The following LTBP2 variants were observed in gnomAD, a reference collection of about 807,000 sequenced individuals.
LTBP2 encodes latent-transforming growth factor beta-binding protein 2.
Under a neutral mutation model 210.6 loss-of-function variants are expected in LTBP2, and 103 were observed. That is an observed-to-expected ratio of 0.49 (90% confidence interval 0.42 to 0.58). The LOEUF (loss-of-function observed/expected upper bound fraction) is 0.58. Ranked by LOEUF, LTBP2 falls within the 20% of genes least tolerant of loss-of-function variation. The pLI is 0.00. For missense variants in LTBP2, 2,313 were observed against 2,494.5 expected (o/e 0.93, Z 1.55); for synonymous variants, 1,007 against 1,015.0 (o/e 0.99, Z 0.15).
intron 11 of LTBP2, 61 bp from the exon 12 acceptor site, chr14:74,528,759 C>T: frequency 3.2e-6 from 5 of 1,582,982 alleles, no homozygotes; most frequent in Non-Finnish European, 4.3e-6. Flanking sequence ...AAACCAGGGC[C>T]TTCCTTTCCC....
intron 8 of LTBP2, among the ~76,000 whole-genome samples, chr14:74,539,880 C>T (rs2087470286): frequency 6.6e-6 from 1 of 152,210 alleles, no homozygotes. Context: ...GAGCTGGGTC[C>T]ACCCATTAGT....
intron 3 of LTBP2, among the ~76,000 whole-genome samples, chr14:74,582,610 A>T (rs2088152451): frequency 6.6e-6 from 1 of 152,120 alleles, no homozygotes; most frequent in Non-Finnish European, 1.5e-5. Context: ...TATCAGGTGG[A>T]CACTATTGGC....
At chr14:74,536,832 C>A (rs1268140761) in intron 8 of LTBP2, among the ~76,000 whole-genome samples, 1 of 152,144 alleles carries the variant, frequency 6.6e-6, no homozygotes, top group Non-Finnish European at 1.5e-5. Flanking sequence ...AGTGACAGAG[C>A]AAGACTCCAT....
intron 33 of LTBP2, 74 bp downstream of exon 33, chr14:74,503,145 G>T: frequency 6.3e-7 from 1 of 1,591,162 alleles, no homozygotes; most frequent in South Asian, 1.1e-5. Flanking sequence ...TAGATCCCCA[G>T]TTCCAAGGTG....
intron 3 of LTBP2, among the ~76,000 whole-genome samples, chr14:74,567,884 C>T (rs2087924626): frequency 6.6e-6 from 1 of 152,160 alleles, no homozygotes; most frequent in Non-Finnish European, 1.5e-5. Flanking sequence ...AGTCTGAGGC[C>T]CCTGGCTCCG....
intron 3 of LTBP2, among the ~76,000 whole-genome samples, chr14:74,571,161 G>A (rs995965032): frequency 6.6e-6 from 1 of 152,024 alleles, no homozygotes; most frequent in Non-Finnish European, 1.5e-5. Context: ...GTGAAACCCC[G>A]TCTCTACTAA....
chr14:74,559,414 G>A (rs1429272102), intron 3 of LTBP2, among the ~76,000 whole-genome samples: 1 of 152,120 alleles, frequency 6.6e-6, no homozygotes, highest in Admixed American at 6.5e-5. Flanking sequence ...AAAGGAAGAA[G>A]CTCCCAGGTT....
rs925099126 is a variant in LTBP2 at position 74,509,957 on chromosome 14, G to C, written c.3152-98C>G. 47 of 1,609,612 alleles carry C rather than the reference G, an allele frequency of 2.9e-5. No homozygotes were observed. In the South Asian group the frequency reaches 5.1e-4, roughly 17 times the overall value. On this transcript the variant is annotated intron_variant, in intron 20 of 35. Coordinates refer to ENST00000261978, the MANE Select transcript of LTBP2 (RefSeq NM_000428.3). ...GGTGGGGGAAGGACAGGTCTGGGCAGGGATGTGTTGGGTCAGTGTGAATAG... is the reference window on the plus strand; with the variant it reads ...GGTGGGGGAAGGACAGGTCTGGGCACGGATGTGTTGGGTCAGTGTGAATAG...
rs755229532 is a variant in LTBP2 at position 74,611,897 on chromosome 14, G to A, written c.48C>T (p.Asn16=). The change falls in exon 1 of 36, where the codon AAC becomes AAT. Residue 16 remains asparagine, a synonymous_variant. Coordinates refer to ENST00000261978, the MANE Select transcript of LTBP2 (RefSeq NM_000428.3). The part of the protein sequence containing the change: ...KARSPGRALR[N]PWRGFLPLTL... ...TGAGCGGCAGGAAGCCTCTCCAGGG[G>A]TTCCGCAGGGCGCGCCCCGGGCTGC... 5 of 1,600,972 alleles carry A rather than the reference G, an allele frequency of 3.1e-6. No individual in the cohort carries two copies. Among genetic ancestry groups the A allele is most frequent in the Non-Finnish European group, 3.4e-6 (4 of 1,176,262 alleles).
At position 74,501,587 on chromosome 14, in the gene LTBP2, G is replaced by A. The variant is rs945674645; in HGVS notation, c.5174C>T (p.Pro1725Leu). ...CTGAAGCCCTTCGAAGCCGGCTGGG[G>A]GCTCTGGGAGGAGGAAATCGGAGAG... ...QPHYVASHPE[P>L]PAGFEGLQAE... The change falls in exon 35 of 36, where the codon CCC (proline) becomes CTC (leucine). Residue 1725 changes from proline to leucine, a missense_variant. Physicochemically the swap from Pro to Leu is moderately conservative, Grantham distance 98. Coordinates refer to ENST00000261978, the MANE Select transcript of LTBP2 (RefSeq NM_000428.3). 1 of 1,613,916 alleles carries A rather than the reference G, an allele frequency of 6.2e-7. No homozygotes were observed.
At chr14:74,521,088 T>C (rs1298186955) in intron 17 of LTBP2, among the ~76,000 whole-genome samples, 1 of 152,200 alleles carries the variant, frequency 6.6e-6, no homozygotes, top group Non-Finnish European at 1.5e-5. Context: ...AATCAAGTGA[T>C]TGGACCTGGA....
intron 3 of LTBP2, among the ~76,000 whole-genome samples, chr14:74,578,350 C>T (rs574766872): frequency 1.1e-4 from 17 of 152,312 alleles, no homozygotes; most frequent in Non-Finnish European, 1.8e-4. Context: ...GTAAATTCTC[C>T]CAACCATCGT....
intron 8 of LTBP2, among the ~76,000 whole-genome samples, chr14:74,540,121 A>G (rs997801928): frequency 2.6e-5 from 4 of 152,178 alleles, no homozygotes; most frequent in Admixed American, 6.5e-5. Flanking sequence ...TCTCAGAGAC[A>G]GTCTATAAGG....
At chr14:74,506,580 C>T in intron 27 of LTBP2, 118 bp downstream of exon 27, 1 of 1,505,740 alleles carries the variant, frequency 6.6e-7, no homozygotes, top group Admixed American at 1.7e-5. Flanking sequence ...TTGAAGCCTC[C>T]CTTGCCCATG....
At chr14:74,601,399 A>C (rs1485334026) in intron 2 of LTBP2, among the ~76,000 whole-genome samples, 1 of 152,150 alleles carries the variant, frequency 6.6e-6, no homozygotes, top group Non-Finnish European at 1.5e-5. Context: ...TTAATTAATT[A>C]ATTAAATAAA....
At chr14:74,536,938 TACTTCACATA>T (rs1161404897) in intron 8 of LTBP2, among the ~76,000 whole-genome samples, 5 of 152,240 alleles carry the variant, frequency 3.3e-5, no homozygotes, top group Non-Finnish European at 7.3e-5. Context: ...ATGTATTATA[TACTTCACATA>T]CATAGTTATT....
rs571624714 is a variant in LTBP2, at chr14:74,510,874, G to A, written c.3028+371C>T. 1.9e-4 allele frequency among the ~76,000 whole-genome samples: 29 copies of A among 152,308 alleles called. No individual in the cohort carries two copies. The South Asian group carries it at 2.5e-3, about 13-fold the overall frequency. ...TGTGCGGTGGGCGTGCAGTTTAGACGCTGCTTTTGAGATGCAGAAGAGCAG... is the reference window on the plus strand; with the variant it reads ...TGTGCGGTGGGCGTGCAGTTTAGACACTGCTTTTGAGATGCAGAAGAGCAG... On this transcript the variant is annotated intron_variant, in intron 19 of 35. Transcript: ENST00000261978.
rs2088213595 is a variant in LTBP2 at position 74,586,919 on chromosome 14, G to A, written c.566-801C>T. Among the ~76,000 whole-genome samples, 1 of 152,204 alleles carries A rather than the reference G, an allele frequency of 6.6e-6. No homozygotes were observed. Among genetic ancestry groups the A allele is most frequent in the Non-Finnish European group, 1.5e-5 (1 of 68,030 alleles). On this transcript the variant is annotated intron_variant, in intron 2 of 35. Transcript: ENST00000261978. The surrounding 1 kb of genome is among the most constrained non-coding windows in gnomAD (Gnocchi z 4.6). Reference sequence around the variant, plus strand: ...CTCTGTTCAGGCTCAGGCTCTCTCTGGATTCTGCCTCCTGGGCTGTGGGTC... The same window carrying A: ...CTCTGTTCAGGCTCAGGCTCTCTCTAGATTCTGCCTCCTGGGCTGTGGGTC...
chr14:74,552,039 G>T (rs1555350920), intron 6 of LTBP2, 148 bp downstream of exon 6: 1 of 760,558 alleles, frequency 1.3e-6, no homozygotes, highest in Non-Finnish European at 2.2e-6. Context: ...ATGAAACTTA[G>T]CGCTGAGGGC....
Sources: allele counts gnomAD v4.1 joint callset (sites outside exome capture counted in the v4.1 genomes callset), GRCh38; gene constraint gnomAD v4.1.1; non-coding constraint Gnocchi (gnomAD v3.1); transcripts MANE v1.5; gene names NCBI Gene and HGNC (gene_info 2026-07-23, HGNC 2026-07-21).